SUSD6: variants seen among roughly 807,000 people sequenced by gnomAD.
The protein encoded by SUSD6 is sushi domain-containing protein 6.
In SUSD6, 16 loss-of-function variants were observed where a neutral mutation model predicts 28.4. The ratio of observed to expected loss-of-function variants is 0.56; its 90% confidence interval spans 0.38 to 0.86. SUSD6 has a LOEUF of 0.86. SUSD6 is among the 40% of genes least tolerant of loss of function. The probability of loss-of-function intolerance (pLI) is 0.00; values close to 1 mark genes in which losing one functional copy is unlikely to be tolerated. For synonymous variants in SUSD6, 147 were observed against 159.6 expected, an observed-to-expected ratio of 0.92 and a Z score of 0.59; for missense variants, 341 against 384.2, an observed-to-expected ratio of 0.89 and a Z score of 0.94.
intron 1 of SUSD6, among the ~76,000 whole-genome samples, chr14:69,619,133 C>T (rs1566587772): frequency 6.6e-6 from 1 of 152,192 alleles, no homozygotes; most frequent in South Asian, 2.1e-4. Context: ...TTCTCCCCCT[C>T]TTCTGGGCCT....
At chr14:69,710,892 C>G in intron 5 of SUSD6, 62 bp from the exon 6 acceptor site, 1 of 1,534,234 alleles carries the variant, frequency 6.5e-7, no homozygotes, top group Non-Finnish European at 9.0e-7. Context: ...GCAGTGGGGT[C>G]GAGAGTGCTC....
intron 3 of SUSD6, among the ~76,000 whole-genome samples, chr14:69,704,398 C>T (rs1886356976): frequency 6.6e-6 from 1 of 152,148 alleles, no homozygotes; most frequent in Non-Finnish European, 1.5e-5. Flanking sequence ...ATTTTTTATT[C>T]AGGAAACAGG....
intron 1 of SUSD6, among the ~76,000 whole-genome samples, chr14:69,648,340 A>G (rs945676774): frequency 7.2e-5 from 11 of 152,328 alleles, no homozygotes; most frequent in African/African-American, 1.9e-4. Context: ...TTCAAGGTCA[A>G]GTTTTCCAGT....
chr14:69,640,123 C>T (rs1885330583), intron 1 of SUSD6, among the ~76,000 whole-genome samples: 1 of 151,554 alleles, frequency 6.6e-6, no homozygotes, highest in Non-Finnish European at 1.5e-5. Context: ...CGGGAAAGCT[C>T]CCACCTTAAT....
rs1297009742 is a variant in SUSD6 at position 69,611,805 on chromosome 14, C to G, written c.-104C>G. ...CGTGGAAGCTGTGAGCGCCCCCATC[C>G]CGGAGGTCTCCGCCGGCTCCCGGGT... On this transcript the variant is annotated 5_prime_UTR_variant, in exon 1 of 6. Coordinates refer to ENST00000342745, the MANE Select transcript of SUSD6 (RefSeq NM_014734.4). The G allele has an allele frequency of 6.6e-6, 1 of 151,698 alleles. No homozygotes were observed. Among genetic ancestry groups the G allele is most frequent in the Non-Finnish European group, 1.5e-5 (1 of 67,870 alleles). 9.4% of individuals were successfully genotyped at this position (151,698 alleles called of 1,614,324 possible). A position where few individuals can be genotyped will look rare whatever the true frequency, so the allele number is the denominator to read the frequency against.
chr14:69,683,558 G>A (rs1305596472), intron 2 of SUSD6, among the ~76,000 whole-genome samples: 1 of 152,124 alleles, frequency 6.6e-6, no homozygotes, highest in East Asian at 1.9e-4. Flanking sequence ...TGAGGGAGAG[G>A]GAAAGGAGAA....
Position 69,689,506 on chromosome 14 carries a change from C to A in SUSD6, c.122-13889C>A, listed in dbSNP as rs570146871. On this transcript the variant is annotated intron_variant, in intron 2 of 5. Coordinates refer to ENST00000342745, the MANE Select transcript of SUSD6 (RefSeq NM_014734.4). ...CTCCTTATCTGTATTCCCAAAGAGA[C>A]TGAAGTCTCCTCAAGGGCACACCAT... 2.0e-5 allele frequency among the ~76,000 whole-genome samples: 3 copies of A among 152,298 alleles called. No individual in the cohort carries two copies. The East Asian group carries it at 5.8e-4, about 29-fold the overall frequency.
chr14:69,684,732 G>A (rs1886047543), intron 2 of SUSD6, among the ~76,000 whole-genome samples: 1 of 152,226 alleles, frequency 6.6e-6, no homozygotes, highest in Non-Finnish European at 1.5e-5. Context: ...CAGGCCAGGG[G>A]GCAGGTCAGG....
chr14:69,650,398 C>T (rs915310332), intron 1 of SUSD6, among the ~76,000 whole-genome samples: 7 of 152,064 alleles, frequency 4.6e-5, no homozygotes, highest in African/African-American at 1.7e-4. Flanking sequence ...CCTAGACCAC[C>T]CAATTGCCCT....
intron 1 of SUSD6, among the ~76,000 whole-genome samples, chr14:69,640,783 A>T (rs1885340435): frequency 6.6e-6 from 1 of 152,222 alleles, no homozygotes; most frequent in Non-Finnish European, 1.5e-5. Flanking sequence ...TTTTATTCTG[A>T]TATGGGATGA....
At chr14:69,619,735 T>A (rs1885009795) in intron 1 of SUSD6, among the ~76,000 whole-genome samples, 1 of 152,044 alleles carries the variant, frequency 6.6e-6, no homozygotes, top group African/African-American at 2.4e-5. Flanking sequence ...GGTGCCACTG[T>A]ACTCCAGCCT....
At chr14:69,663,428 A>C (rs140895930) in intron 2 of SUSD6, among the ~76,000 whole-genome samples, 1 of 152,240 alleles carries the variant, frequency 6.6e-6, no homozygotes, top group Non-Finnish European at 1.5e-5. Context: ...AGTGTTGAGA[A>C]CTAGGTTCTC....
chr14:69,642,982 C>G (rs1232715767), intron 1 of SUSD6, among the ~76,000 whole-genome samples: 1 of 152,132 alleles, frequency 6.6e-6, no homozygotes, highest in African/African-American at 2.4e-5. Flanking sequence ...AAATTTCCAA[C>G]TCTGTTTTTT....
At chr14:69,704,963 A>G (rs1054423627) in intron 4 of SUSD6, among the ~76,000 whole-genome samples, 1 of 152,158 alleles carries the variant, frequency 6.6e-6, no homozygotes, top group Non-Finnish European at 1.5e-5. Flanking sequence ...ATTGCAGATG[A>G]GGAAATTGAG....
In SUSD6 at chr14:69,620,380, A is replaced by C. The variant is rs559518387; in HGVS notation, c.-81+8552A>C. On this transcript the variant is annotated intron_variant, in intron 1 of 5. Coordinates refer to ENST00000342745, the MANE Select transcript of SUSD6 (RefSeq NM_014734.4). ...TGGGAGGCTGGTAGGTGGTTGCTGC[A>C]GAAACCAAAGGGAAGTAAGTCTAGT... 1.1e-4 allele frequency among the ~76,000 whole-genome samples: 17 copies of C among 152,378 alleles called. No individual in the cohort carries two copies. In the South Asian group the frequency reaches 3.3e-3, roughly 30 times the overall value.
chr14:69,669,562 C>T (rs1278432485), intron 2 of SUSD6, among the ~76,000 whole-genome samples: 1 of 152,194 alleles, frequency 6.6e-6, no homozygotes, highest in Non-Finnish European at 1.5e-5. Context: ...GCCTTTGCAG[C>T]CACAGCTTCC....
intron 1 of SUSD6, among the ~76,000 whole-genome samples, chr14:69,612,082 G>A (rs986365925): frequency 2.2e-4 from 34 of 151,220 alleles, no homozygotes; most frequent in African/African-American, 7.7e-4. Context: ...CGGCCGGGGG[G>A]ACCGGCGGCT....
intron 1 of SUSD6, among the ~76,000 whole-genome samples, chr14:69,651,281 G>C (rs766306147): frequency 1.3e-5 from 2 of 152,198 alleles, no homozygotes; most frequent in East Asian, 1.9e-4. Flanking sequence ...TAGTGTGTCT[G>C]CTGGCTTTCC....
intron 2 of SUSD6, among the ~76,000 whole-genome samples, chr14:69,685,797 T>G (rs1886064515): frequency 6.6e-6 from 1 of 152,230 alleles, no homozygotes; most frequent in Non-Finnish European, 1.5e-5. Flanking sequence ...AGCAGTCTGC[T>G]TTTAAACATT....
Sources: allele counts gnomAD v4.1 joint callset (sites outside exome capture counted in the v4.1 genomes callset), GRCh38; gene constraint gnomAD v4.1.1; transcripts MANE v1.5; gene names NCBI Gene and HGNC (gene_info 2026-07-23, HGNC 2026-07-21).